Variants in PLEKHM3 observed in about 807,000 individuals in gnomAD.
The protein encoded by PLEKHM3 is pleckstrin homology domain-containing family M member 3.
PLEKHM3 carries 45 observed loss-of-function variants against 81.8 expected under a neutral mutation model. The ratio of observed to expected loss-of-function variants is 0.55; its 90% CI spans 0.43 to 0.71. The LOEUF (loss-of-function observed/expected upper bound fraction) is 0.71, where lower values mean the gene tolerates loss of function less well. Ranked by LOEUF, PLEKHM3 falls within the 30% of genes least tolerant of loss-of-function variation. PLEKHM3 has a pLI of 0.00. For synonymous variants in PLEKHM3, 352 were observed against 356.4 expected, an observed-to-expected ratio of 0.99 and a Z score of 0.14; for missense variants, 788 against 924.3, an observed-to-expected ratio of 0.85 and a Z score of 1.91.
At chr2:207,934,256 C>A (rs1689678367) in intron 4 of PLEKHM3, among the ~76,000 whole-genome samples, 1 of 152,074 alleles carries the variant, frequency 6.6e-6, no homozygotes, top group Non-Finnish European at 1.5e-5. Flanking sequence ...CTACTTCTTG[C>A]CAACCAAACT....
At chr2:208,015,334 G>A (rs1692868766) in intron 1 of PLEKHM3, among the ~76,000 whole-genome samples, 1 of 152,124 alleles carries the variant, frequency 6.6e-6, no homozygotes, top group Admixed American at 6.5e-5. Context: ...TTTAGTACAT[G>A]AACATGGTGC....
intron 6 of PLEKHM3, among the ~76,000 whole-genome samples, chr2:207,863,737 T>G (rs546959773): frequency 4.6e-4 from 70 of 152,262 alleles, no homozygotes; most frequent in African/African-American, 1.6e-3. Flanking sequence ...AGATGCAGCA[T>G]GAGGCTCTTA....
chr2:207,928,609 G>T (rs2621474), intron 5 of PLEKHM3, among the ~76,000 whole-genome samples: 94,913 of 152,196 alleles, frequency 0.62, 30,308 homozygotes, highest in Middle Eastern at 0.79. Flanking sequence ...AATTTTTGCC[G>T]GAAGGGCAGG....
intron 2 of PLEKHM3, among the ~76,000 whole-genome samples, chr2:207,987,345 C>T (rs1354569587): frequency 6.6e-6 from 1 of 152,182 alleles, no homozygotes; most frequent in Non-Finnish European, 1.5e-5. Context: ...CCACTCTAGC[C>T]ACCGACTCTA....
intron 1 of PLEKHM3, among the ~76,000 whole-genome samples, chr2:208,021,222 T>C (rs1260422286): frequency 6.6e-6 from 1 of 152,256 alleles, no homozygotes; most frequent in Non-Finnish European, 1.5e-5. Flanking sequence ...CATTTTTTTC[T>C]GTAAATGGTT....
At chr2:207,881,901 C>T (rs2092593616) in intron 6 of PLEKHM3, among the ~76,000 whole-genome samples, 1 of 152,130 alleles carries the variant, frequency 6.6e-6, no homozygotes, top group Non-Finnish European at 1.5e-5. Flanking sequence ...TTCCCTCTGC[C>T]TCCCTCTTTT....
At chr2:207,889,434 A>AAAACAC in intron 6 of PLEKHM3, among the ~76,000 whole-genome samples, 1 of 129,172 alleles carries the variant, frequency 7.7e-6, no homozygotes, top group South Asian at 2.8e-4. Flanking sequence ...GGTTTTTTTC[A>AAAACAC]ACACACACAC....
At chr2:207,876,435 T>C (rs1481206778) in intron 6 of PLEKHM3, among the ~76,000 whole-genome samples, 1 of 152,226 alleles carries the variant, frequency 6.6e-6, no homozygotes, top group Admixed American at 6.5e-5. Flanking sequence ...TCCCTAATAA[T>C]ATGTTTATTT....
At chr2:207,833,109 C>G (rs1343613215) in intron 7 of PLEKHM3, among the ~76,000 whole-genome samples, 1 of 102,536 alleles carries the variant, frequency 9.8e-6, no homozygotes, top group Non-Finnish European at 1.9e-5. Context: ...AAGACACCAT[C>G]TCAAAAAAAA....
chr2:207,857,048 T>C (rs574497543), intron 7 of PLEKHM3, among the ~76,000 whole-genome samples: 14 of 152,372 alleles, frequency 9.2e-5, no homozygotes, highest in African/African-American at 3.1e-4. Flanking sequence ...ATTCTAGAGA[T>C]GTCAATTAGA....
intron 1 of PLEKHM3, among the ~76,000 whole-genome samples, chr2:208,010,983 C>T (rs919011283): frequency 6.6e-6 from 1 of 150,778 alleles, no homozygotes; most frequent in African/African-American, 2.4e-5. Context: ...TGAAAAAATG[C>T]TCAACATCAC....
intron 5 of PLEKHM3, among the ~76,000 whole-genome samples, chr2:207,930,533 T>C (rs1339126347): frequency 2.0e-5 from 3 of 152,158 alleles, no homozygotes; most frequent in Non-Finnish European, 2.9e-5. Context: ...ATTTTAAACA[T>C]GCTTATTTTT....
chr2:207,895,429 TCCGTAGTTTTATTA>T (rs1688191865), intron 6 of PLEKHM3, among the ~76,000 whole-genome samples: 1 of 152,194 alleles, frequency 6.6e-6, no homozygotes, highest in Non-Finnish European at 1.5e-5. Flanking sequence ...CAAACTCAAA[TCCGTAGTTTTATTA>T]CCCGTGATTG....
At chr2:207,983,880 T>C (rs1691627636) in intron 2 of PLEKHM3, among the ~76,000 whole-genome samples, 1 of 152,206 alleles carries the variant, frequency 6.6e-6, no homozygotes, top group Non-Finnish European at 1.5e-5. Flanking sequence ...ATGGCCACCT[T>C]CATCAAGGTT....
intron 1 of PLEKHM3, among the ~76,000 whole-genome samples, chr2:208,006,354 A>C (rs1692492501): frequency 6.6e-6 from 1 of 152,236 alleles, no homozygotes; most frequent in Non-Finnish European, 1.5e-5. Context: ...TCCTCTGACA[A>C]AGTGAAGGGA....
intron 5 of PLEKHM3, among the ~76,000 whole-genome samples, chr2:207,917,995 G>A (rs1689051588): frequency 6.6e-6 from 1 of 152,128 alleles, no homozygotes; most frequent in African/African-American, 2.4e-5. Flanking sequence ...GGGGAGAAGA[G>A]GGAGTGTTGA....
In PLEKHM3 at chr2:207,909,623, A is replaced by T. The variant is rs897470544; in HGVS notation, c.1887-1046T>A. 5.9e-5 allele frequency among the ~76,000 whole-genome samples: 9 copies of T among 152,348 alleles called. No homozygotes were observed. In the South Asian group the frequency reaches 1.9e-3, roughly 32 times the overall value. On this transcript the variant is annotated intron_variant, in intron 5 of 7. Transcript: ENST00000427836. ...TGATAAAGAGTTATGCATGGGGTCC[A>T]TATTTTTTGAGTAGTCTAACATGGT...
rs1325190989 is a variant in PLEKHM3 at position 207,825,418 on chromosome 2, T to C, written c.*2901A>G. The C allele has an allele frequency of 6.6e-6, 1 of 152,190 alleles. No homozygotes were observed. Among genetic ancestry groups the C allele is most frequent in the Non-Finnish European group, 1.5e-5 (1 of 68,034 alleles). 9.4% of individuals were successfully genotyped at this position (152,190 alleles called of 1,614,324 possible). ...TATGTTTTATGTGCAAGATATTTAA[T>C]ATGGGATGAAAAATGGAACACGAGG... On this transcript the variant is annotated 3_prime_UTR_variant, in exon 8 of 8. Transcript: ENST00000427836.
chr2:208,006,829 A>C (rs1403137003), intron 1 of PLEKHM3, among the ~76,000 whole-genome samples: 3 of 152,230 alleles, frequency 2.0e-5, no homozygotes, highest in Non-Finnish European at 4.4e-5. Flanking sequence ...CCTATTTAAT[A>C]GATTGAGAAA....
Sources: allele counts gnomAD v4.1 joint callset (sites outside exome capture counted in the v4.1 genomes callset), GRCh38; gene constraint gnomAD v4.1.1; transcripts MANE v1.5; gene names NCBI Gene and HGNC (gene_info 2026-07-23, HGNC 2026-07-21).